RIMS2: variants seen among roughly 807,000 people sequenced by gnomAD.
RIMS2 encodes regulating synaptic membrane exocytosis protein 2.
Under a neutral mutation model 174.4 loss-of-function variants are expected in RIMS2, and 59 were observed. The observed-to-expected ratio is 0.34, with a 90% confidence interval of 0.27 to 0.42. The LOEUF (loss-of-function observed/expected upper bound fraction) is 0.42. Ranked by LOEUF, RIMS2 falls within the 10% of genes least tolerant of loss-of-function variation. The pLI, the probability that RIMS2 is intolerant of heterozygous loss-of-function variation, is 1.00. For missense variants in RIMS2, 1,620 were observed against 1,666.3 expected, an observed-to-expected ratio of 0.97 and a Z score of 0.48; for synonymous variants, 606 against 572.5, an observed-to-expected ratio of 1.06 and a Z score of -0.84.
chr8:104,138,890 A>G (rs2098543960), intron 19 of RIMS2, among the ~76,000 whole-genome samples: 1 of 152,170 alleles, frequency 6.6e-6, no homozygotes, highest in Non-Finnish European at 1.5e-5. Flanking sequence ...TAGTAGTTTC[A>G]TAATTTGAGG....
intron 3 of RIMS2, among the ~76,000 whole-genome samples, chr8:103,875,338 C>G (rs1255624367): frequency 6.6e-6 from 1 of 151,916 alleles, no homozygotes; most frequent in Admixed American, 6.6e-5. Context: ...GCTTAGCTCC[C>G]ACTTATGAGT....
At chr8:103,744,712 C>T (rs1288262634) in intron 2 of RIMS2, among the ~76,000 whole-genome samples, 2 of 152,178 alleles carry the variant, frequency 1.3e-5, no homozygotes, top group Non-Finnish European at 2.9e-5. Flanking sequence ...AGAGGAGAGA[C>T]AGGCATGCCA....
At chr8:103,555,143 C>T (rs760976140) in intron 1 of RIMS2, among the ~76,000 whole-genome samples, 15 of 152,014 alleles carry the variant, frequency 9.9e-5, no homozygotes, top group Non-Finnish European at 2.1e-4. Flanking sequence ...ACACAACTTA[C>T]CAGTATAAAA....
At chr8:104,066,841 T>C (rs886116419) in intron 19 of RIMS2, among the ~76,000 whole-genome samples, 1 of 152,110 alleles carries the variant, frequency 6.6e-6, no homozygotes, top group Non-Finnish European at 1.5e-5. Flanking sequence ...TATTTAGAGG[T>C]AATATAGTAT....
chr8:103,734,265 C>A (rs1024188972), intron 2 of RIMS2, among the ~76,000 whole-genome samples: 2 of 150,830 alleles, frequency 1.3e-5, no homozygotes, highest in Non-Finnish European at 2.9e-5. Flanking sequence ...CCCACCTCGG[C>A]CTCCCAAAGT....
intron 19 of RIMS2, among the ~76,000 whole-genome samples, chr8:104,171,350 T>A (rs1015419098): frequency 3.3e-5 from 5 of 152,042 alleles, no homozygotes; most frequent in Non-Finnish European, 7.4e-5. Context: ...TTCTTTTTTC[T>A]TTGTCTTTGT....
intron 1 of RIMS2, among the ~76,000 whole-genome samples, chr8:103,624,985 G>A (rs1367330556): frequency 1.3e-5 from 2 of 152,108 alleles, no homozygotes; most frequent in African/African-American, 4.8e-5. Context: ...TGTAAAAACA[G>A]CATTTTTACT....
At chr8:104,221,667 G>C (rs1287913385) in intron 19 of RIMS2, among the ~76,000 whole-genome samples, 1 of 152,070 alleles carries the variant, frequency 6.6e-6, no homozygotes, top group Non-Finnish European at 1.5e-5. Flanking sequence ...GAAAACAAAA[G>C]CAATAAATCT....
chr8:104,222,379 T>C (rs1163284299), intron 19 of RIMS2, among the ~76,000 whole-genome samples: 1 of 152,216 alleles, frequency 6.6e-6, no homozygotes, highest in Non-Finnish European at 1.5e-5. Context: ...TGTACATATA[T>C]ACTATCTAGG....
intron 3 of RIMS2, among the ~76,000 whole-genome samples, chr8:103,774,585 A>G (rs528396208): frequency 2.6e-5 from 4 of 152,346 alleles, no homozygotes; most frequent in African/African-American, 7.2e-5. Context: ...CTTGGCACAA[A>G]AGAGTACATA....
chr8:104,076,241 G>A (rs2097289924), intron 19 of RIMS2, among the ~76,000 whole-genome samples: 1 of 152,030 alleles, frequency 6.6e-6, no homozygotes, highest in African/African-American at 2.4e-5. Context: ...AATTAAAAGA[G>A]TCATAGTTCA....
chr8:103,775,495 G>A (rs1015861726), intron 3 of RIMS2, among the ~76,000 whole-genome samples: 3 of 151,944 alleles, frequency 2.0e-5, no homozygotes, highest in African/African-American at 7.2e-5. Flanking sequence ...GAAACAAAAA[G>A]GCAACAAAGA....
At chr8:103,626,118 A>G (rs1382314173) in intron 1 of RIMS2, among the ~76,000 whole-genome samples, 1 of 152,160 alleles carries the variant, frequency 6.6e-6, no homozygotes. Flanking sequence ...TAGATGGTAC[A>G]TTATCTGAAA....
intron 1 of RIMS2, among the ~76,000 whole-genome samples, chr8:103,544,566 C>T (rs1272157944): frequency 6.6e-6 from 1 of 152,230 alleles, no homozygotes; most frequent in Non-Finnish European, 1.5e-5. Context: ...TACAGCCACA[C>T]CTGCTAGAGC....
At chr8:104,189,601 T>A (rs972824123) in intron 19 of RIMS2, among the ~76,000 whole-genome samples, 5 of 147,886 alleles carry the variant, frequency 3.4e-5, no homozygotes, top group African/African-American at 1.2e-4. Flanking sequence ...TATATATATT[T>A]ATGTAAATAT....
chr8:103,829,423 T>C (rs1172146563), intron 3 of RIMS2, among the ~76,000 whole-genome samples: 1 of 152,206 alleles, frequency 6.6e-6, no homozygotes, highest in African/African-American at 2.4e-5. Flanking sequence ...CATATGTTAA[T>C]TGCAGCACTA....
intron 1 of RIMS2, among the ~76,000 whole-genome samples, chr8:103,661,826 G>A (rs1289478994): frequency 1.3e-5 from 2 of 152,168 alleles, no homozygotes; most frequent in Non-Finnish European, 2.9e-5. Flanking sequence ...TTTTGAGCAT[G>A]CCTTACCATT....
chr8:104,011,857 G>A (rs1316268792), intron 17 of RIMS2, among the ~76,000 whole-genome samples: 1 of 151,904 alleles, frequency 6.6e-6, no homozygotes, highest in Non-Finnish European at 1.5e-5. Flanking sequence ...ATAATACATA[G>A]ATATACCCTT....
At chr8:103,931,831 C>T (rs1461172671) in intron 12 of RIMS2, among the ~76,000 whole-genome samples, 1 of 152,006 alleles carries the variant, frequency 6.6e-6, no homozygotes, top group Admixed American at 6.6e-5. Context: ...TATTATTTCT[C>T]TCTATTCTAT....
Sources: gnomAD v4.1 joint callset for allele counts (sites outside exome capture counted in the v4.1 genomes callset) on GRCh38, gnomAD v4.1.1 for gene constraint, MANE v1.5 for transcripts, NCBI Gene and HGNC (gene_info 2026-07-23, HGNC 2026-07-21) for gene names.